NRG3: variants seen among roughly 807,000 people sequenced by gnomAD.
NRG3 encodes the protein pro-neuregulin-3, membrane-bound isoform.
Under a neutral mutation model 66.9 loss-of-function variants are expected in NRG3, and 31 were observed. The ratio of observed to expected loss-of-function variants is 0.46; its 90% CI spans 0.35 to 0.63. The LOEUF is 0.63. Ranked by LOEUF, NRG3 falls within the 20% of genes least tolerant of loss-of-function variation. The probability of loss-of-function intolerance (pLI) is 0.00; values close to 1 mark genes in which losing one functional copy is unlikely to be tolerated. For missense variants in NRG3, 910 were observed against 878.9 expected, an observed-to-expected ratio of 1.04 and a Z score of -0.45; for synonymous variants, 393 against 359.4, an observed-to-expected ratio of 1.09 and a Z score of -1.06.
chr10:82,119,837 G>A (rs1048502004), intron 1 of NRG3, among the ~76,000 whole-genome samples: 2 of 152,016 alleles, frequency 1.3e-5, no homozygotes, highest in Non-Finnish European at 2.9e-5. Context: ...AATTTGGAAT[G>A]ACGTTTCTGA....
At chr10:81,944,195 C>A (rs1848644500) in intron 1 of NRG3, among the ~76,000 whole-genome samples, 1 of 152,252 alleles carries the variant, frequency 6.6e-6, no homozygotes, top group Non-Finnish European at 1.5e-5. Context: ...AAGAAATCCA[C>A]ATGGCATGCC....
intron 3 of NRG3, among the ~76,000 whole-genome samples, chr10:82,767,128 G>T (rs2135132078): frequency 6.6e-6 from 1 of 151,360 alleles, no homozygotes; most frequent in African/African-American, 2.4e-5. Context: ...TTTCAGTATA[G>T]CTTCTTGGAT....
intron 1 of NRG3, among the ~76,000 whole-genome samples, chr10:81,981,969 T>C (rs71483380): frequency 6.6e-6 from 1 of 152,208 alleles, no homozygotes; most frequent in African/African-American, 2.4e-5. Flanking sequence ...GGAGTAATTG[T>C]CCAGCTACAT....
chr10:82,039,359 A>T (rs1406712462), intron 1 of NRG3, among the ~76,000 whole-genome samples: 2 of 152,112 alleles, frequency 1.3e-5, no homozygotes, highest in Non-Finnish European at 2.9e-5. Flanking sequence ...ATGAAATTCG[A>T]TTTCAGTATC....
intron 1 of NRG3, among the ~76,000 whole-genome samples, chr10:82,147,959 G>A (rs2070384704): frequency 6.6e-6 from 1 of 152,168 alleles, no homozygotes; most frequent in Non-Finnish European, 1.5e-5. Context: ...AATGGGAAAA[G>A]CGTTTTAAAA....
chr10:82,146,064 T>G (rs2070229470), intron 1 of NRG3, among the ~76,000 whole-genome samples: 1 of 152,210 alleles, frequency 6.6e-6, no homozygotes, highest in African/African-American at 2.4e-5. Flanking sequence ...ACCTCACATC[T>G]TGACATAAGG....
At chr10:82,405,705 T>C in intron 2 of NRG3, among the ~76,000 whole-genome samples, 1 of 152,146 alleles carries the variant, frequency 6.6e-6, no homozygotes, top group Non-Finnish European at 1.5e-5. Flanking sequence ...TGACCTCAGG[T>C]GATCCACCCG....
chr10:82,727,653 A>T (rs2057676691), intron 2 of NRG3, among the ~76,000 whole-genome samples: 1 of 152,202 alleles, frequency 6.6e-6, no homozygotes, highest in African/African-American at 2.4e-5. Context: ...GCAGAAGGGA[A>T]ATGTGGGGTT....
intron 6 of NRG3, among the ~76,000 whole-genome samples, chr10:82,960,797 C>A (rs1046745068): frequency 6.6e-6 from 1 of 152,088 alleles, no homozygotes; most frequent in South Asian, 2.1e-4. Flanking sequence ...CCACTGAGCA[C>A]CTTGTGACCC....
At chr10:82,433,841 G>T (rs1055306820) in intron 2 of NRG3, among the ~76,000 whole-genome samples, 1 of 152,100 alleles carries the variant, frequency 6.6e-6, no homozygotes, top group African/African-American at 2.4e-5. Context: ...TTGCTGTTTT[G>T]GTTGCTGTAG....
At chr10:82,342,160 C>T (rs962550946) in intron 1 of NRG3, among the ~76,000 whole-genome samples, 1 of 151,710 alleles carries the variant, frequency 6.6e-6, no homozygotes, top group African/African-American at 2.4e-5. Flanking sequence ...ACTCATTAAT[C>T]ATCCATTAAT....
intron 2 of NRG3, among the ~76,000 whole-genome samples, chr10:82,446,093 C>T (rs952557859): frequency 6.6e-6 from 1 of 152,188 alleles, no homozygotes; most frequent in African/African-American, 2.4e-5. Context: ...CTTATTTGTT[C>T]ATGACCCAGC....
intron 1 of NRG3, among the ~76,000 whole-genome samples, chr10:82,092,235 G>A (rs2066070250): frequency 6.6e-6 from 1 of 152,142 alleles, no homozygotes; most frequent in East Asian, 1.9e-4. Flanking sequence ...CAGCTTGTAA[G>A]TGGCAGAAAC....
intron 3 of NRG3, among the ~76,000 whole-genome samples, chr10:82,762,281 C>A (rs1194861030): frequency 2.0e-5 from 3 of 151,928 alleles, no homozygotes; most frequent in African/African-American, 7.3e-5. Context: ...AGCCACCACA[C>A]CCAGCCACAA....
chr10:82,529,587 G>A (rs932254048), intron 2 of NRG3, among the ~76,000 whole-genome samples: 8 of 152,176 alleles, frequency 5.3e-5, no homozygotes, highest in African/African-American at 1.4e-4. Context: ...ATAAACAGAA[G>A]TGCATGCTTA....
intron 2 of NRG3, among the ~76,000 whole-genome samples, chr10:82,553,172 A>T (rs1048656723): frequency 6.6e-6 from 1 of 152,124 alleles, no homozygotes; most frequent in Non-Finnish European, 1.5e-5. Flanking sequence ...GGCAAATGGA[A>T]TTGTATGCAG....
chr10:82,655,789 A>G (rs2051798781), intron 2 of NRG3, among the ~76,000 whole-genome samples: 2 of 152,214 alleles, frequency 1.3e-5, no homozygotes, highest in East Asian at 1.9e-4. Flanking sequence ...TTATGTGACT[A>G]TTAGCAAGCA....
chr10:82,350,086 C>T (rs1337307074), intron 1 of NRG3, among the ~76,000 whole-genome samples: 2 of 151,954 alleles, frequency 1.3e-5, no homozygotes, highest in Non-Finnish European at 2.9e-5. Flanking sequence ...CTTGGCTCCT[C>T]AAAAAAACTG....
intron 2 of NRG3, among the ~76,000 whole-genome samples, chr10:82,490,184 T>C (rs1422672046): frequency 6.6e-6 from 1 of 152,218 alleles, no homozygotes; most frequent in Admixed American, 6.5e-5. Flanking sequence ...TCTTTGCTTC[T>C]GTTGCTGCAA....
Sources: gnomAD v4.1 joint callset for allele counts (sites outside exome capture counted in the v4.1 genomes callset) on GRCh38, gnomAD v4.1.1 for gene constraint, MANE v1.5 for transcripts, NCBI Gene and HGNC (gene_info 2026-07-23, HGNC 2026-07-21) for gene names.